LSAMP: variants seen among roughly 807,000 people sequenced by gnomAD.
LSAMP encodes limbic system associated membrane protein.
A neutral mutation model predicts 38.6 loss-of-function variants in LSAMP; 7 were observed. The ratio of observed to expected loss-of-function variants is 0.18; its 90% CI spans 0.10 to 0.34. The LOEUF is 0.34. Ranked by LOEUF, LSAMP falls within the 10% of genes least tolerant of loss-of-function variation. LSAMP has a pLI of 1.00. For missense variants in LSAMP, 313 were observed against 420.0 expected, an observed-to-expected ratio of 0.75 and a Z score of 2.23; for synonymous variants, 154 against 166.8, an observed-to-expected ratio of 0.92 and a Z score of 0.59.
At chr3:116,263,808 T>C (rs2046861414) in intron 1 of LSAMP, among the ~76,000 whole-genome samples, 2 of 152,228 alleles carry the variant, frequency 1.3e-5, no homozygotes, top group African/African-American at 4.8e-5. Context: ...ATGTATTCTC[T>C]GTGTTGCATC....
intron 1 of LSAMP, among the ~76,000 whole-genome samples, chr3:116,378,033 C>T (rs2048515677): frequency 6.6e-6 from 1 of 152,024 alleles, no homozygotes; most frequent in Admixed American, 6.6e-5. Flanking sequence ...CTTCAGGGAG[C>T]ACCTAAACTT....
chr3:116,070,105 C>CA (rs548167133), intron 2 of LSAMP, among the ~76,000 whole-genome samples: 75 of 151,336 alleles, frequency 5.0e-4, no homozygotes, highest in African/African-American at 1.7e-3. Context: ...AAAGGAATTG[C>CA]AAAAAAAGGG....
At chr3:116,169,817 T>TA (rs1244639750) in intron 1 of LSAMP, among the ~76,000 whole-genome samples, 1 of 152,230 alleles carries the variant, frequency 6.6e-6, no homozygotes, top group Admixed American at 6.5e-5. Context: ...CTCATGCTGT[T>TA]GATTACTGAC....
At chr3:116,323,331 T>C (rs1457647227) in intron 1 of LSAMP, among the ~76,000 whole-genome samples, 2 of 152,120 alleles carry the variant, frequency 1.3e-5, no homozygotes, top group Non-Finnish European at 2.9e-5. Flanking sequence ...TGGTCAATCA[T>C]AGCATCTGTT....
intron 1 of LSAMP, among the ~76,000 whole-genome samples, chr3:116,267,434 G>C (rs1367655526): frequency 6.6e-6 from 1 of 152,040 alleles, no homozygotes; most frequent in Non-Finnish European, 1.5e-5. Flanking sequence ...ACTTCTGCTG[G>C]TGCTGCCTTT....
intron 1 of LSAMP, among the ~76,000 whole-genome samples, chr3:116,367,653 G>C (rs906352052): frequency 6.6e-6 from 1 of 151,328 alleles, no homozygotes; most frequent in Non-Finnish European, 1.5e-5. Context: ...TACAGGCATC[G>C]TCTGCCACCA....
intron 1 of LSAMP, among the ~76,000 whole-genome samples, chr3:116,377,341 G>T (rs1444955149): frequency 6.6e-6 from 1 of 152,008 alleles, no homozygotes; most frequent in African/African-American, 2.4e-5. Flanking sequence ...TTGGTTTTCT[G>T]TTCTTGCGTT....
At chr3:116,180,584 T>C (rs1174192752) in intron 1 of LSAMP, among the ~76,000 whole-genome samples, 1 of 152,134 alleles carries the variant, frequency 6.6e-6, no homozygotes, top group East Asian at 1.9e-4. Context: ...AATTGCTCTT[T>C]TTCAAGGTTG....
intron 3 of LSAMP, among the ~76,000 whole-genome samples, chr3:115,948,346 T>C (rs183547436): frequency 6.6e-6 from 1 of 152,144 alleles, no homozygotes; most frequent in African/African-American, 2.4e-5. Context: ...CATTAGCACA[T>C]GGAACATTCT....
intron 1 of LSAMP, among the ~76,000 whole-genome samples, chr3:116,419,058 A>ATGTC (rs2049088956): frequency 6.6e-6 from 1 of 152,164 alleles, no homozygotes; most frequent in African/African-American, 2.4e-5. Context: ...CACCATATTG[A>ATGTC]TGTCACCTTT....
chr3:116,268,493 CT>C lies in LSAMP; in HGVS notation c.155+176383del, dbSNP rs2046923443. Reference sequence around the variant, plus strand: ...AAGACAACCAGCTCTTTATATGCTGCTGTTTCCAGATGTGAATCTGTAGGCT... The same window carrying C: ...AAGACAACCAGCTCTTTATATGCTGCGTTTCCAGATGTGAATCTGTAGGCT... On this transcript the variant is annotated intron_variant, in intron 1 of 6. Coordinates refer to ENST00000490035, the MANE Select transcript of LSAMP (RefSeq NM_002338.5). Among the ~76,000 whole-genome samples, 6 of 152,190 alleles carry C rather than the reference CT, an allele frequency of 3.9e-5. No individual in the cohort carries two copies. The South Asian group carries it at 1.2e-3, about 32-fold the overall frequency.
At chr3:116,097,777 C>T (rs1708257051) in intron 1 of LSAMP, among the ~76,000 whole-genome samples, 1 of 151,846 alleles carries the variant, frequency 6.6e-6, no homozygotes, top group Admixed American at 6.6e-5. Context: ...CTCTTGCTGC[C>T]AAGGCTGGAG....
chr3:116,322,669 A>G (rs1424417038), intron 1 of LSAMP, among the ~76,000 whole-genome samples: 1 of 152,172 alleles, frequency 6.6e-6, no homozygotes, highest in Middle Eastern at 3.2e-3. Flanking sequence ...ACTTTAAAAG[A>G]CTTGCTGTAG....
At chr3:115,920,832 C>T (rs1937365261) in intron 3 of LSAMP, among the ~76,000 whole-genome samples, 1 of 151,758 alleles carries the variant, frequency 6.6e-6, no homozygotes, top group Admixed American at 6.6e-5. Flanking sequence ...CTATTTCTCC[C>T]TTTTGTTCTA....
At chr3:116,203,777 C>T (rs1348115393) in intron 1 of LSAMP, among the ~76,000 whole-genome samples, 6 of 152,060 alleles carry the variant, frequency 3.9e-5, no homozygotes, top group Non-Finnish European at 8.8e-5. Context: ...ATATGTGCCA[C>T]ATTTTCTTAA....
chr3:116,325,739 T>C (rs752724056), intron 1 of LSAMP, among the ~76,000 whole-genome samples: 7 of 152,200 alleles, frequency 4.6e-5, no homozygotes, highest in Non-Finnish European at 8.8e-5. Context: ...GTAACATCAT[T>C]TGCCTCTGAG....
At chr3:116,230,577 T>C (rs1485661887) in intron 1 of LSAMP, among the ~76,000 whole-genome samples, 1 of 152,162 alleles carries the variant, frequency 6.6e-6, no homozygotes, top group Admixed American at 6.5e-5. Context: ...GTCCATAGGC[T>C]ATGTCACCTT....
chr3:116,093,993 G>A (rs1451981928), intron 1 of LSAMP, among the ~76,000 whole-genome samples: 1 of 152,092 alleles, frequency 6.6e-6, no homozygotes, highest in Non-Finnish European at 1.5e-5. Context: ...AGCAGAGAAT[G>A]GAATAAAGCA....
chr3:116,257,106 A>C (rs1158242527), intron 1 of LSAMP, among the ~76,000 whole-genome samples: 2 of 152,030 alleles, frequency 1.3e-5, no homozygotes, highest in East Asian at 3.9e-4. Context: ...TTCAAATTCT[A>C]ATTTAGAATG....
Sources: allele counts gnomAD v4.1 joint callset (sites outside exome capture counted in the v4.1 genomes callset), GRCh38; gene constraint gnomAD v4.1.1; transcripts MANE v1.5; gene names NCBI Gene and HGNC (gene_info 2026-07-23, HGNC 2026-07-21).